ABCE1: variants seen among roughly 807,000 people sequenced by gnomAD.
ABCE1 encodes the protein ATP-binding cassette sub-family E member 1.
ABCE1 carries 22 observed loss-of-function variants against 83.4 expected under a neutral mutation model. That is an observed-to-expected ratio of 0.26 (90% CI 0.19 to 0.38). ABCE1 has a LOEUF of 0.38. Ranked by LOEUF, ABCE1 falls within the 10% of genes least tolerant of loss-of-function variation. The pLI, the probability that ABCE1 is intolerant of heterozygous loss-of-function variation, is 1.00. For missense variants in ABCE1, 330 were observed against 721.9 expected (o/e 0.46, Z 6.22); for synonymous variants, 204 against 233.7 (o/e 0.87, Z 1.16).
intron 10 of ABCE1, among the ~76,000 whole-genome samples, chr4:145,117,727 A>T (rs1749642600): frequency 6.6e-6 from 1 of 151,750 alleles, no homozygotes; most frequent in African/African-American, 2.4e-5. Flanking sequence ...TGTCATTTTC[A>T]AATTAACTTT....
chr4:145,116,551 T>A (rs575448308), intron 9 of ABCE1, among the ~76,000 whole-genome samples: 3 of 152,064 alleles, frequency 2.0e-5, no homozygotes, highest in Admixed American at 1.3e-4. Context: ...ATATGAGATG[T>A]TTGCAGGACA....
intron 3 of ABCE1, among the ~76,000 whole-genome samples, chr4:145,107,237 T>G (rs1749333456): frequency 1.3e-5 from 2 of 152,002 alleles, no homozygotes; most frequent in Non-Finnish European, 2.9e-5. Context: ...AAAGTCATAA[T>G]GGAAAGACAT....
chr4:145,110,525 G>A, intron 7 of ABCE1, 81 bp downstream of exon 7: 1 of 1,398,136 alleles, frequency 7.2e-7, no homozygotes. Flanking sequence ...GCCCAGGCTG[G>A]GGTGCAATGA....
chr4:145,112,183 G>C, intron 8 of ABCE1, 56 bp from the exon 9 acceptor site: 1 of 1,265,634 alleles, frequency 7.9e-7, no homozygotes, highest in Non-Finnish European at 1.1e-6. Context: ...TAGTATGTAA[G>C]GTAGAATGTC....
chr4:145,104,260 A>G (rs900571496), intron 1 of ABCE1, 126 bp from the exon 2 acceptor site: 10 of 423,816 alleles, frequency 2.4e-5, no homozygotes, highest in Non-Finnish European at 4.1e-5. Context: ...GTCAAAATTT[A>G]TATTTTTTTT....
intron 10 of ABCE1, 32 bp from the exon 11 acceptor site, chr4:145,119,900 T>A: frequency 1.3e-6 from 2 of 1,550,066 alleles, no homozygotes; most frequent in Non-Finnish European, 1.8e-6. Context: ...GCTCTAATGA[T>A]TTCTCCCGGT....
intron 3 of ABCE1, among the ~76,000 whole-genome samples, chr4:145,107,690 C>G (rs1019857406): frequency 2.0e-5 from 3 of 152,152 alleles, no homozygotes; most frequent in African/African-American, 7.2e-5. Context: ...TTGCAGGATG[C>G]AAAACCATTT....
intron 10 of ABCE1, among the ~76,000 whole-genome samples, chr4:145,117,960 T>TG (rs1446006720): frequency 6.6e-6 from 1 of 151,730 alleles, no homozygotes; most frequent in Non-Finnish European, 1.5e-5. Flanking sequence ...CCTCCTTACC[T>TG]GTGTAATTTA....
Position 145,123,298 on chromosome 4 carries a change from T to G in ABCE1, c.1458T>G (p.Asp486Glu). ...LGKPADVYLIDEPSAYLDSEQ... is the reference protein window; with the variant it reads ...LGKPADVYLIEEPSAYLDSEQ... ...AACCTGCTGATGTCTATTTAATTGATGAACCATCTGCATATTTGGATTCTG... is the reference window on the plus strand; with the variant it reads ...AACCTGCTGATGTCTATTTAATTGAGGAACCATCTGCATATTTGGATTCTG... The change falls in exon 15 of 18, where the codon GAT (aspartate) becomes GAG (glutamate). Residue 486 changes from aspartate to glutamate, a missense_variant. Physicochemically the swap from Asp to Glu is conservative, Grantham distance 45 (BLOSUM62 2). Coordinates refer to ENST00000296577, the MANE Select transcript of ABCE1 (RefSeq NM_002940.3). The G allele has an allele frequency of 6.2e-7, 1 of 1,612,614 alleles. No individual in the cohort carries two copies. Among genetic ancestry groups the G allele is most frequent in the Non-Finnish European group, 8.5e-7 (1 of 1,179,540 alleles).
rs758786818 is a variant in ABCE1, at chr4:145,127,624, G to C, written c.*51G>C. 1 of 1,433,526 alleles carries C rather than the reference G, an allele frequency of 7.0e-7. No homozygotes were observed. Among genetic ancestry groups the C allele is most frequent in the Non-Finnish European group, 9.3e-7 (1 of 1,072,840 alleles). 88.8% of individuals were successfully genotyped at this position (1,433,526 alleles called of 1,614,324 possible). A position where few individuals can be genotyped will look rare whatever the true frequency, so the allele number is the denominator to read the frequency against. On this transcript the variant is annotated 3_prime_UTR_variant, in exon 18 of 18. Transcript: ENST00000296577. ...CATTTATTAAAAGGAGTATTTACTA[G>C]AATTTTTTGTCATATAAAACTTGAA...
intron 9 of ABCE1, 122 bp from the exon 10 acceptor site, chr4:145,117,171 A>T: frequency 1.3e-6 from 1 of 783,344 alleles, no homozygotes; most frequent in Non-Finnish European, 1.9e-6. Flanking sequence ...AAAATGTTTT[A>T]TGGCTTTTGC....
At chr4:145,110,502 T>G in intron 7 of ABCE1, 58 bp downstream of exon 7, 2 of 1,545,798 alleles carry the variant, frequency 1.3e-6, no homozygotes, top group Admixed American at 3.4e-5. Flanking sequence ...TGAGACGGAG[T>G]TTCGCTCTTG....
intron 2 of ABCE1, among the ~76,000 whole-genome samples, chr4:145,104,947 T>C (rs1052234229): frequency 3.3e-5 from 5 of 152,084 alleles, no homozygotes; most frequent in African/African-American, 1.2e-4. Context: ...AAGGTTTAAC[T>C]ATATTTTGAA....
intron 8 of ABCE1, 49 bp from the exon 9 acceptor site, chr4:145,112,181 AAGGTAGAAT>A: frequency 8.1e-7 from 1 of 1,239,688 alleles, no homozygotes; most frequent in Non-Finnish European, 1.1e-6. Context: ...AATAGTATGT[AAGGTAGAAT>A]GTCTTGTCTT....
At chr4:145,118,481 T>C (rs1749661432) in intron 10 of ABCE1, among the ~76,000 whole-genome samples, 1 of 151,750 alleles carries the variant, frequency 6.6e-6, no homozygotes, top group South Asian at 2.1e-4. Flanking sequence ...GTTACCTAGT[T>C]TTCTTGCCAG....
chr4:145,103,438 A>C (rs1749209419), intron 1 of ABCE1, among the ~76,000 whole-genome samples: 1 of 152,208 alleles, frequency 6.6e-6, no homozygotes, highest in African/African-American at 2.4e-5. Context: ...CACTAAGCCC[A>C]ATATTGTGAA....
At chr4:145,126,339 G>A (rs1198272559) in intron 17 of ABCE1, among the ~76,000 whole-genome samples, 1 of 152,114 alleles carries the variant, frequency 6.6e-6, no homozygotes, top group Non-Finnish European at 1.5e-5. Flanking sequence ...CTCTCACCTA[G>A]GCTGGAGTGC....
chr4:145,127,086 A>G lies in ABCE1; in HGVS notation c.1753-440A>G, dbSNP rs574031343. Among the ~76,000 whole-genome samples the G allele has an allele frequency of 5.9e-5, 9 of 152,258 alleles. No homozygotes were observed. The East Asian group carries it at 9.7e-4, about 16-fold the overall frequency. On this transcript the variant is annotated intron_variant, in intron 17 of 17. Coordinates refer to ENST00000296577, the MANE Select transcript of ABCE1 (RefSeq NM_002940.3). ...ATCCTAATAAGAGAACAGCTCAACA[A>G]GTAGGTAGGTGAGATTGTTACTGGC...
intron 3 of ABCE1, among the ~76,000 whole-genome samples, chr4:145,106,340 C>A (rs1749304890): frequency 6.6e-6 from 1 of 152,096 alleles, no homozygotes; most frequent in African/African-American, 2.4e-5. Flanking sequence ...GTGTATATTT[C>A]ACATTGGTTT....
Sources: allele counts gnomAD v4.1 joint callset (sites outside exome capture counted in the v4.1 genomes callset), GRCh38; gene constraint gnomAD v4.1.1; transcripts MANE v1.5; gene names NCBI Gene and HGNC (gene_info 2026-07-23, HGNC 2026-07-21).